Variants in CEP290 observed in about 807,000 individuals in gnomAD.
The protein encoded by CEP290 is centrosomal protein 290.
In CEP290, 317 loss-of-function variants were observed where a neutral mutation model predicts 344.9. The observed-to-expected ratio is 0.92, with a 90% CI of 0.84 to 1.01. CEP290 has a LOEUF of 1.01. Among genes scored for constraint, CEP290 ranks in the 50% least tolerant of loss-of-function variants. The pLI is 0.00. For synonymous variants in CEP290, 932 were observed against 895.8 expected, an observed-to-expected ratio of 1.04 and a Z score of -0.72; for missense variants, 2,754 against 2,761.4, an observed-to-expected ratio of 1.00 and a Z score of 0.06.
intron 7 of CEP290, 29 bp from the exon 8 acceptor site, chr12:88,130,594 T>G: frequency 1.3e-6 from 2 of 1,540,820 alleles, no homozygotes; most frequent in East Asian, 2.4e-5. Flanking sequence ...AAACGGTAAT[T>G]AGAAATGAGA....
At chr12:88,054,193 G>C (rs566506592) in intron 51 of CEP290, 147 bp downstream of exon 51, 35 of 589,804 alleles carry the variant, frequency 5.9e-5, no homozygotes, top group Admixed American at 4.4e-4. Flanking sequence ...ATTAGCATTA[G>C]AGGGAAGAAA....
At chr12:88,060,673 T>C (rs2034408850) in intron 47 of CEP290, among the ~76,000 whole-genome samples, 157 bp downstream of exon 47, 1 of 152,232 alleles carries the variant, frequency 6.6e-6, no homozygotes, top group Non-Finnish European at 1.5e-5. Flanking sequence ...TCTATAACCC[T>C]TAGCCTTGCC....
rs1360220092 is a variant in CEP290, at chr12:88,111,317, C to T, written c.2252G>A (p.Arg751Gln). 27 of 1,562,010 alleles carry T rather than the reference C, an allele frequency of 1.7e-5. No individual in the cohort carries two copies. The highest frequency in any genetic ancestry group is 2.3e-5 in the Non-Finnish European group (27 of 1,153,976). Residue 751 changes from arginine (R) to glutamine (Q), a missense_variant, in exon 22 of 54, where the codon CGA becomes CAA. Arg to Gln is a conservative substitution (Grantham distance 43). Coordinates refer to ENST00000552810, the MANE Select transcript of CEP290 (RefSeq NM_025114.4). The part of the protein sequence containing the change: ...DHLEKETSLL[R>Q]QSEGSNVVFK... ...AACAACATTTGATCCTTCTGATTGT[C>T]GTAAAAGACTAGTTTCTTTTTCAAG...
intron 1 of CEP290, among the ~76,000 whole-genome samples, chr12:88,141,685 T>C (rs2040682506): frequency 6.6e-6 from 1 of 152,006 alleles, no homozygotes; most frequent in South Asian, 2.1e-4. Flanking sequence ...CAATCATCCC[T>C]GATTTGGAGA....
intron 26 of CEP290, among the ~76,000 whole-genome samples, chr12:88,101,704 T>G (rs1370309262): frequency 2.0e-5 from 3 of 151,544 alleles, no homozygotes; most frequent in African/African-American, 7.3e-5. Flanking sequence ...AAATACTCTT[T>G]GGGAAAATGA....
chr12:88,104,584 C>T lies in CEP290; in HGVS notation c.2818-1573G>A, dbSNP rs115577216. ...TAAAATTCAATAAAGGAAAAAAATC[C>T]CTAAAATAAAAAAAATGAAAAACAA... On this transcript the variant is annotated intron_variant, in intron 25 of 53. Coordinates refer to ENST00000552810, the MANE Select transcript of CEP290 (RefSeq NM_025114.4). Among the ~76,000 whole-genome samples, 650 of 151,154 alleles carry T rather than the reference C, an allele frequency of 4.3e-3. 6 individuals are homozygous for T. Among genetic ancestry groups the T allele is most frequent in the African/African-American group, 0.015 (621 of 41,304 alleles).
intron 34 of CEP290, among the ~76,000 whole-genome samples, chr12:88,085,459 T>C (rs2036508725): frequency 6.6e-6 from 1 of 152,116 alleles, no homozygotes; most frequent in Admixed American, 6.5e-5. Flanking sequence ...ATTAAAAATG[T>C]ACAGTTTTAC....
At chr12:88,077,610 A>G in intron 40 of CEP290, 87 bp downstream of exon 40, 1 of 860,920 alleles carries the variant, frequency 1.2e-6, no homozygotes, top group Non-Finnish European at 1.8e-6. Flanking sequence ...AGTTTTAACA[A>G]ATACCATAGA....
chr12:88,079,105 G>T lies in CEP290; in HGVS notation c.5351C>A (p.Thr1784Asn). The change falls in exon 39 of 54, where the codon ACT (threonine) becomes AAT (asparagine). Residue 1784 changes from threonine (T) to asparagine (N), a missense_variant. By Grantham distance (65) the Thr-to-Asn change is moderately conservative. Coordinates refer to ENST00000552810, the MANE Select transcript of CEP290 (RefSeq NM_025114.4). Reference sequence around the variant, plus strand: ...GTTGATGTTCACCTTTAGCTCTCTAGTATGTCGATCAACGATTTGTTGAAC... The same window carrying T: ...GTTGATGTTCACCTTTAGCTCTCTATTATGTCGATCAACGATTTGTTGAAC... The part of the protein sequence containing the change: ...LNVQQIVDRH[T>N]RELKTQVEDL... 2 of 1,589,640 alleles carry T rather than the reference G, an allele frequency of 1.3e-6. No individual in the cohort carries two copies. The highest frequency in any genetic ancestry group is 8.5e-7 in the Non-Finnish European group (1 of 1,171,450).
At position 88,084,850 on chromosome 12, in the gene CEP290, T is replaced by C. The variant is rs1438543342; in HGVS notation, c.4440A>G (p.Lys1480=). The part of the protein sequence containing the change: ...TRATCKSLEE[K]LKEKESALRL... ...TTAAAGCAGATTCTTTCTCTTTTAG[T>C]TTCTGCAATGATTAAATTATAATAA... Residue 1480 remains lysine (K), a splice_region_variant and synonymous_variant, in exon 35 of 54, where the codon AAA becomes AAG. Coordinates refer to ENST00000552810, the MANE Select transcript of CEP290 (RefSeq NM_025114.4). 1 of 1,532,282 alleles carries C rather than the reference T, an allele frequency of 6.5e-7. No individual in the cohort carries two copies. Among genetic ancestry groups the C allele is most frequent in the Non-Finnish European group, 8.8e-7 (1 of 1,141,404 alleles). The allele number at this position is 1,532,282 out of a possible 1,614,324, so 94.9% of individuals were successfully genotyped here. A position where few individuals can be genotyped will look rare whatever the true frequency, so the allele number is the denominator to read the frequency against.
At chr12:88,100,441 G>T (rs559398523) in intron 26 of CEP290, among the ~76,000 whole-genome samples, 2 of 150,564 alleles carry the variant, frequency 1.3e-5, no homozygotes, top group African/African-American at 2.5e-5. Context: ...TCTGATTTTC[G>T]TGACCTCTAG....
In CEP290 at chr12:88,055,581, G is replaced by T; in HGVS notation, c.6955C>A (p.Gln2319Lys). The change falls in exon 50 of 54, where the codon CAA (glutamine) becomes AAA (lysine). Residue 2319 changes from glutamine to lysine, a missense_variant. Transcript: ENST00000552810. ...AGAAAAATTACGTTACTTACCTGTT[G>T]TTCAAGGTCTTCATTGTATTTGTTA... is the stretch of plus-strand genomic sequence containing the variant. ...KVNKYNEDLE[Q>K]QIKILKHVPE... 1 of 1,572,774 alleles carries T rather than the reference G, an allele frequency of 6.4e-7. No individual in the cohort carries two copies. The highest frequency in any genetic ancestry group is 1.2e-5 in the South Asian group (1 of 83,374).
In CEP290 at chr12:88,054,354, C is replaced by A; in HGVS notation, c.7020G>T (p.Glu2340Asp). Residue 2340 changes from glutamate (E) to aspartate (D), a missense_variant, in exon 51 of 54, where the codon GAG becomes GAT. Coordinates refer to ENST00000552810, the MANE Select transcript of CEP290 (RefSeq NM_025114.4). ...ACATGATGTACCTAAGAACTTGAAG[C>A]TCCCGTTTAAGGCCTTGCTCTGTCT... is the stretch of plus-strand genomic sequence containing the variant. ...GAETEQGLKR[E>D]LQVLRLANHQ... 1 of 1,604,020 alleles carries A rather than the reference C, an allele frequency of 6.2e-7. No individual in the cohort carries two copies. Among genetic ancestry groups the A allele is most frequent in the Admixed American group, 1.7e-5 (1 of 58,352 alleles).
chr12:88,133,999 C>T (rs925678551), intron 6 of CEP290, among the ~76,000 whole-genome samples: 18 of 152,154 alleles, frequency 1.2e-4, no homozygotes, highest in Non-Finnish European at 2.6e-4. Flanking sequence ...AGACATTTCT[C>T]AGAGACGTGC....
At chr12:88,049,864 G>A (rs2136556456) in intron 53 of CEP290, 1 of 157,298 alleles carries the variant, frequency 6.4e-6, no homozygotes, top group African/African-American at 2.4e-5. Flanking sequence ...TATGATCAGG[G>A]AAACCTTTGG....
chr12:88,115,284 C>T, intron 18 of CEP290, 102 bp from the exon 19 acceptor site: 1 of 741,174 alleles, frequency 1.3e-6, no homozygotes, highest in Non-Finnish European at 2.1e-6. Context: ...TATAACAAAA[C>T]AAAACAAAAA....
Position 88,139,158 on chromosome 12 carries a change from T to C in CEP290, c.284A>G (p.Glu95Gly). 1 of 1,204,274 alleles carries C rather than the reference T, an allele frequency of 8.3e-7. No homozygotes were observed. Among genetic ancestry groups the C allele is most frequent in the South Asian group, 1.7e-5 (1 of 58,088 alleles). The allele number at this position is 1,204,274 out of a possible 1,614,324, so 74.6% of individuals were successfully genotyped here. A position where few individuals can be genotyped will look rare whatever the true frequency, so the allele number is the denominator to read the frequency against. ...AAAAAGACATACCTCCAGTTCATTT[T>C]CCAGTTTCATTACTTTAGTTTTTAA... ...NQLKTKVMKL[E>G]NELEMAQQSA... The change falls in exon 5 of 54, where the codon GAA becomes GGA. Residue 95 changes from glutamate (E) to glycine (G), a missense_variant. Transcript: ENST00000552810.
chr12:88,071,653 T>A, intron 42 of CEP290, 128 bp downstream of exon 42: 1 of 859,396 alleles, frequency 1.2e-6, no homozygotes, highest in Non-Finnish European at 1.7e-6. Flanking sequence ...AGTAAGTAAA[T>A]CATAGATAAT....
intron 6 of CEP290, among the ~76,000 whole-genome samples, chr12:88,132,220 C>T (rs1244708699): frequency 2.0e-5 from 3 of 151,790 alleles, no homozygotes; most frequent in African/African-American, 7.3e-5. Flanking sequence ...TGCCTTTTTT[C>T]ACCTATTCTC....
Sources: gnomAD v4.1 joint callset for allele counts (sites outside exome capture counted in the v4.1 genomes callset) on GRCh38, gnomAD v4.1.1 for gene constraint, MANE v1.5 for transcripts, NCBI Gene and HGNC (gene_info 2026-07-23, HGNC 2026-07-21) for gene names.